The following MAP3K5 variants were observed in gnomAD, a reference collection of about 807,000 sequenced individuals.
MAP3K5 encodes the protein ASK-1.
In MAP3K5, 56 loss-of-function variants were observed where a neutral mutation model predicts 158.7. The observed-to-expected ratio is 0.35, with a 90% CI of 0.28 to 0.44. The LOEUF (loss-of-function observed/expected upper bound fraction) is 0.44. Among genes scored for constraint, MAP3K5 ranks in the 20% least tolerant of loss-of-function variants. The probability of loss-of-function intolerance (pLI) is 1.00; values close to 1 mark genes in which losing one functional copy is unlikely to be tolerated. For synonymous variants in MAP3K5, 579 were observed against 601.7 expected (o/e 0.96, Z 0.55); for missense variants, 1,294 against 1,674.8 (o/e 0.77, Z 3.97).
At chr6:136,724,411 C>T (rs181247655) in intron 1 of MAP3K5, among the ~76,000 whole-genome samples, 2 of 152,084 alleles carry the variant, frequency 1.3e-5, no homozygotes, top group Non-Finnish European at 2.9e-5. Context: ...CCACATCCAG[C>T]TAATTTTTGT....
intron 23 of MAP3K5, among the ~76,000 whole-genome samples, chr6:136,587,649 A>T (rs1326787730): frequency 6.6e-6 from 1 of 152,164 alleles, no homozygotes; most frequent in Non-Finnish European, 1.5e-5. Context: ...TCACCATTTG[A>T]TGTCACAGGA....
chr6:136,692,326 T>A (rs1420041943), intron 7 of MAP3K5, among the ~76,000 whole-genome samples: 1 of 152,160 alleles, frequency 6.6e-6, no homozygotes, highest in Admixed American at 6.5e-5. Flanking sequence ...AAATTATTGG[T>A]GGTTCACCTT....
chr6:136,737,867 T>C (rs1223572152), intron 1 of MAP3K5, among the ~76,000 whole-genome samples: 2 of 152,202 alleles, frequency 1.3e-5, no homozygotes, highest in Non-Finnish European at 2.9e-5. Flanking sequence ...GGCTGATTCT[T>C]ACAGGAGTAA....
At chr6:136,594,682 C>T (rs865892960) in intron 21 of MAP3K5, among the ~76,000 whole-genome samples, 1 of 152,104 alleles carries the variant, frequency 6.6e-6, no homozygotes, top group Non-Finnish European at 1.5e-5. Context: ...CACTCAGAAA[C>T]GGAGGTGTGC....
Position 136,698,676 on chromosome 6 carries a change from T to G in MAP3K5, c.619A>C (p.Thr207Pro). 6.2e-7 allele frequency: 1 copy of G among 1,611,900 alleles called. No homozygotes were observed. The change falls in exon 4 of 30, where the codon ACT becomes CCT. Residue 207 changes from threonine (T) to proline (P), a missense_variant. Around this residue, in one of 5 missense-constraint regions of MAP3K5, gnomAD observed 690 missense variants for 870.5 expected, o/e 0.79. Coordinates refer to ENST00000359015, the MANE Select transcript of MAP3K5 (RefSeq NM_005923.4). Reference sequence around the variant, plus strand: ...TAAGGAACAAAGGTGTAGTTCCCAGTGCACATCTGCGGAGAGAGGAGGCAT... The same window carrying G: ...TAAGGAACAAAGGTGTAGTTCCCAGGGCACATCTGCGGAGAGAGGAGGCAT... ...EIICQKNTMCTGNYTFVPYMI... is the reference protein window; with the variant it reads ...EIICQKNTMCPGNYTFVPYMI...
At chr6:136,675,882 GAA>G (rs1325202661) in intron 7 of MAP3K5, among the ~76,000 whole-genome samples, 1 of 152,042 alleles carries the variant, frequency 6.6e-6, no homozygotes, top group Admixed American at 6.6e-5. Flanking sequence ...GAAAGAGAGA[GAA>G]ATAAAAATTA....
Position 136,792,228 on chromosome 6 carries a change from G to C in MAP3K5, c.-71C>G. Reference sequence around the variant, plus strand: ...GCACCGCCTGGCCAGCCACAGCTCGGGGCTGCTCCGCGCCCGCCGGGCTAA... The same window carrying C: ...GCACCGCCTGGCCAGCCACAGCTCGCGGCTGCTCCGCGCCCGCCGGGCTAA... On this transcript the variant is annotated 5_prime_UTR_variant, in exon 1 of 30. Coordinates refer to ENST00000359015, the MANE Select transcript of MAP3K5 (RefSeq NM_005923.4). The surrounding 1 kb of genome is among the most constrained non-coding windows in gnomAD (Gnocchi z 5.7). 1 of 1,415,264 alleles carries C rather than the reference G, an allele frequency of 7.1e-7. No homozygotes were observed. The highest frequency in any genetic ancestry group is 9.1e-7 in the Non-Finnish European group (1 of 1,096,234). 87.7% of individuals were successfully genotyped at this position (1,415,264 alleles called of 1,614,324 possible). A position where few individuals can be genotyped will look rare whatever the true frequency, so the allele number is the denominator to read the frequency against.
chr6:136,605,131 AT>A (rs1776048496), intron 19 of MAP3K5, 77 bp downstream of exon 19: 1 of 1,431,980 alleles, frequency 7.0e-7, no homozygotes, highest in Non-Finnish European at 9.6e-7. Context: ...ATCTAAAAAA[AT>A]ATGACACACA....
intron 1 of MAP3K5, among the ~76,000 whole-genome samples, chr6:136,759,102 T>A (rs964237283): frequency 6.6e-6 from 1 of 151,834 alleles, no homozygotes; most frequent in Non-Finnish European, 1.5e-5. Flanking sequence ...ACCTGGGAGG[T>A]GAAGGTTGCA....
At chr6:136,753,267 T>C (rs1000942683) in intron 1 of MAP3K5, among the ~76,000 whole-genome samples, 4 of 152,260 alleles carry the variant, frequency 2.6e-5, no homozygotes, top group Non-Finnish European at 5.9e-5. Flanking sequence ...AAAACAATAA[T>C]AGGCCTTTAC....
rs182027709 is a variant in MAP3K5 at position 136,584,060 on chromosome 6, A to C, written c.3226-320T>G. Among the ~76,000 whole-genome samples, 3 of 152,302 alleles carry C rather than the reference A, an allele frequency of 2.0e-5. No homozygotes were observed. The East Asian group carries it at 5.8e-4, about 29-fold the overall frequency. On this transcript the variant is annotated intron_variant, in intron 23 of 29. Transcript: ENST00000359015. Reference sequence around the variant, plus strand: ...CTCTTCAATCCTCCTACCAACACCAAGAAATAATCAGAGAGAAAAGGTACC... The same window carrying C: ...CTCTTCAATCCTCCTACCAACACCACGAAATAATCAGAGAGAAAAGGTACC...
At chr6:136,583,856 T>G in intron 23 of MAP3K5, 116 bp from the exon 24 acceptor site, 1 of 896,432 alleles carries the variant, frequency 1.1e-6, no homozygotes, top group Admixed American at 2.5e-5. Flanking sequence ...AGAGACAAGG[T>G]CTCACTATAT....
chr6:136,726,418 C>T (rs1041073410), intron 1 of MAP3K5, among the ~76,000 whole-genome samples: 5 of 152,138 alleles, frequency 3.3e-5, no homozygotes, highest in Admixed American at 6.5e-5. Context: ...CATGGTGAAA[C>T]CCTGTCTCTA....
At chr6:136,637,252 C>T (rs571669916) in intron 14 of MAP3K5, 73 bp downstream of exon 14, 5 of 1,339,516 alleles carry the variant, frequency 3.7e-6, no homozygotes, top group Middle Eastern at 1.8e-4. Context: ...CACCCTGCCT[C>T]CTGCCTCAGT....
intron 1 of MAP3K5, among the ~76,000 whole-genome samples, chr6:136,742,304 T>C (rs1003636772): frequency 1.5e-4 from 23 of 151,922 alleles, no homozygotes; most frequent in African/African-American, 5.1e-4. Context: ...CGGAACAGAA[T>C]AGAAGCCCCA....
chr6:136,572,302 A>G (rs962690793), intron 25 of MAP3K5, among the ~76,000 whole-genome samples: 2 of 152,140 alleles, frequency 1.3e-5, no homozygotes, highest in African/African-American at 4.8e-5. Context: ...CTTGTTGCCC[A>G]GGCTGGAGTG....
At chr6:136,774,595 T>C (rs929762164) in intron 1 of MAP3K5, among the ~76,000 whole-genome samples, 6 of 152,222 alleles carry the variant, frequency 3.9e-5, no homozygotes, top group African/African-American at 1.2e-4. Context: ...TCATTAAGTG[T>C]CATCTACAGG....
chr6:136,697,908 C>A (rs979915052), intron 4 of MAP3K5, among the ~76,000 whole-genome samples: 2 of 152,092 alleles, frequency 1.3e-5, no homozygotes, highest in African/African-American at 4.8e-5. Flanking sequence ...CCACACCTGG[C>A]TAATTTTTGT....
intron 19 of MAP3K5, among the ~76,000 whole-genome samples, chr6:136,603,417 A>T (rs1357128670): frequency 1.3e-5 from 2 of 150,248 alleles, no homozygotes; most frequent in Non-Finnish European, 3.0e-5. Context: ...GCCTCAGGTG[A>T]TCTGCCCGCC....
Sources: gnomAD v4.1 joint callset for allele counts (sites outside exome capture counted in the v4.1 genomes callset) on GRCh38, gnomAD v4.1.1 for gene constraint, gnomAD v4.1.1 regional missense constraint, Gnocchi (gnomAD v3.1) non-coding constraint, MANE v1.5 for transcripts, NCBI Gene and HGNC (gene_info 2026-07-23, HGNC 2026-07-21) for gene names.